SEMA3C: variants seen among roughly 807,000 people sequenced by gnomAD.
The protein encoded by SEMA3C is semaphorin-3C.
Under a neutral mutation model 89.4 loss-of-function variants are expected in SEMA3C, and 47 were observed. That is an observed-to-expected ratio of 0.53 (90% CI 0.42 to 0.67). SEMA3C has a LOEUF of 0.67. Ranked by LOEUF, SEMA3C falls within the 30% of genes least tolerant of loss-of-function variation. The pLI is 0.00. For missense variants in SEMA3C, 839 were observed against 929.1 expected (o/e 0.90, Z 1.26); for synonymous variants, 310 against 320.2 (o/e 0.97, Z 0.34).
intron 12 of SEMA3C, among the ~76,000 whole-genome samples, chr7:80,771,196 T>G (rs1444416415): frequency 6.6e-6 from 1 of 152,206 alleles, no homozygotes; most frequent in East Asian, 1.9e-4. Flanking sequence ...TATGTTTTAG[T>G]TTTAGCTCCA....
intron 2 of SEMA3C, among the ~76,000 whole-genome samples, chr7:80,849,837 C>T (rs1790472461): frequency 6.6e-6 from 1 of 151,946 alleles, no homozygotes; most frequent in African/African-American, 2.4e-5. Context: ...ATTTATATAA[C>T]ACTACCATTA....
At position 80,918,824 on chromosome 7, in the gene SEMA3C, T is replaced by C; in HGVS notation, c.-39+4A>G. 1 of 985,456 alleles carries C rather than the reference T, an allele frequency of 1.0e-6. No individual in the cohort carries two copies. Among genetic ancestry groups the C allele is most frequent in the Non-Finnish European group, 1.2e-6 (1 of 829,938 alleles). The allele number at this position is 985,456 out of a possible 1,614,324, so 61.0% of individuals were successfully genotyped here. On this transcript the variant is annotated splice_donor_region_variant and intron_variant, in intron 1 of 17. Transcript: ENST00000265361. The stretch of plus-strand genomic sequence containing the variant: ...TAATGCGGAAAATGACCAATTTAGC[T>C]TACCGAGGTTGAAAGAAATCAGCAC...
At chr7:80,819,665 C>G (rs1789698040) in intron 4 of SEMA3C, among the ~76,000 whole-genome samples, 1 of 152,230 alleles carries the variant, frequency 6.6e-6, no homozygotes, top group Admixed American at 6.5e-5. Context: ...AAACTCCTTT[C>G]TCACTTGCTC....
At chr7:80,921,777 G>A (rs975004251), upstream of SEMA3C, among the ~76,000 whole-genome samples, 3 of 152,172 alleles carry the variant, frequency 2.0e-5, no homozygotes, top group Non-Finnish European at 4.4e-5. Context: ...ACACTGAAGT[G>A]TCTCTGCCTG....
intron 12 of SEMA3C, among the ~76,000 whole-genome samples, chr7:80,782,942 AAT>A: frequency 6.6e-6 from 1 of 152,114 alleles, no homozygotes; most frequent in Non-Finnish European, 1.5e-5. Context: ...GAAATCTGTA[AAT>A]ATATATTTAT....
intron 2 of SEMA3C, among the ~76,000 whole-genome samples, chr7:80,897,027 G>A (rs73709360): frequency 0.018 from 2,695 of 152,254 alleles, 82 homozygotes; most frequent in African/African-American, 0.06. Context: ...GGTAGGCGCC[G>A]GAGAGCATGG....
At chr7:80,815,042 A>G (rs967745958) in intron 5 of SEMA3C, among the ~76,000 whole-genome samples, 2 of 152,224 alleles carry the variant, frequency 1.3e-5, no homozygotes, top group African/African-American at 2.4e-5. Context: ...CTGTTGACAT[A>G]TAAGTAGCCT....
intron 12 of SEMA3C, among the ~76,000 whole-genome samples, chr7:80,770,861 G>A (rs772034558): frequency 1.3e-4 from 20 of 152,208 alleles, no homozygotes; most frequent in Non-Finnish European, 2.8e-4. Flanking sequence ...ATTCAAGCTT[G>A]TAAATCTGGA....
chr7:80,829,605 T>C (rs1789963831), intron 2 of SEMA3C, among the ~76,000 whole-genome samples: 1 of 152,186 alleles, frequency 6.6e-6, no homozygotes, highest in African/African-American at 2.4e-5. Context: ...TAACTATTCA[T>C]ATATCTAAGG....
At chr7:80,749,627 A>G (rs547436546) in intron 16 of SEMA3C, among the ~76,000 whole-genome samples, 1 of 152,322 alleles carries the variant, frequency 6.6e-6, no homozygotes, top group African/African-American at 2.4e-5. Context: ...CAGACAAGTT[A>G]CTTGATGTCT....
intron 6 of SEMA3C, among the ~76,000 whole-genome samples, chr7:80,809,604 A>G (rs1274659907): frequency 6.6e-6 from 1 of 152,104 alleles, no homozygotes; most frequent in African/African-American, 2.4e-5. Context: ...TGTATTTTTG[A>G]TAACAGCCAT....
intron 2 of SEMA3C, chr7:80,915,553 C>A (rs1792249876): frequency 6.6e-6 from 1 of 152,194 alleles, no homozygotes; most frequent in South Asian, 2.1e-4. Flanking sequence ...ACCATCCTGG[C>A]CAACATGGTG....
rs112367828 is a variant in SEMA3C, at chr7:80,900,538, A to G, written c.103+16141T>C. Among the ~76,000 whole-genome samples, 966 of 152,336 alleles carry G rather than the reference A, an allele frequency of 6.3e-3. 9 individuals are homozygous for G. Among genetic ancestry groups the G allele is most frequent in the African/African-American group, 0.022 (894 of 41,574 alleles). ...TTATCCTAATTGTATAGCCTAGTAAACAGTTGAGGAAGTTGAGGCAACTGC... is the reference window on the plus strand; with the variant it reads ...TTATCCTAATTGTATAGCCTAGTAAGCAGTTGAGGAAGTTGAGGCAACTGC... On this transcript the variant is annotated intron_variant, in intron 2 of 17. Transcript: ENST00000265361.
At chr7:80,755,698 C>T (rs886545164) in intron 15 of SEMA3C, among the ~76,000 whole-genome samples, 2 of 151,944 alleles carry the variant, frequency 1.3e-5, no homozygotes, top group African/African-American at 4.8e-5. Flanking sequence ...AATAGTATCA[C>T]CTTACTAAGA....
At chr7:80,882,861 T>C (rs768872988) in intron 2 of SEMA3C, among the ~76,000 whole-genome samples, 4 of 151,926 alleles carry the variant, frequency 2.6e-5, no homozygotes, top group Non-Finnish European at 5.9e-5. Flanking sequence ...CACATAAAAA[T>C]AGACATATGA....
chr7:80,819,933 A>G (rs960612359), intron 4 of SEMA3C, among the ~76,000 whole-genome samples: 5 of 152,174 alleles, frequency 3.3e-5, no homozygotes, highest in Non-Finnish European at 7.3e-5. Flanking sequence ...ATGATTGTAT[A>G]TTAGAGACAG....
intron 2 of SEMA3C, among the ~76,000 whole-genome samples, chr7:80,906,364 T>C (rs1371743074): frequency 1.3e-5 from 2 of 152,204 alleles, no homozygotes; most frequent in Non-Finnish European, 2.9e-5. Flanking sequence ...ATCTAAGTGC[T>C]CATGGCACTG....
chr7:80,875,494 G>A (rs1791179060), intron 2 of SEMA3C, among the ~76,000 whole-genome samples: 1 of 152,054 alleles, frequency 6.6e-6, no homozygotes, highest in Admixed American at 6.6e-5. Flanking sequence ...GGCTTTCCAA[G>A]GTTTCAGTCG....
intron 2 of SEMA3C, among the ~76,000 whole-genome samples, chr7:80,868,471 G>C (rs1020996802): frequency 6.6e-5 from 10 of 151,964 alleles, no homozygotes; most frequent in African/African-American, 2.4e-4. Context: ...GTTTCACCAT[G>C]TTGGCCAGGC....
Sources: allele counts gnomAD v4.1 joint callset (sites outside exome capture counted in the v4.1 genomes callset), GRCh38; gene constraint gnomAD v4.1.1; transcripts MANE v1.5; gene names NCBI Gene and HGNC (gene_info 2026-07-23, HGNC 2026-07-21).